NINJ2: variants seen among roughly 807,000 people sequenced by gnomAD.
NINJ2 encodes ninjurin 2, also known as ninjurin-2.
A neutral mutation model predicts 11.7 loss-of-function variants in NINJ2; 12 were observed. That is an observed-to-expected ratio of 1.02 (90% CI 0.66 to 1.66). The LOEUF (loss-of-function observed/expected upper bound fraction) is 1.66. Ranked by LOEUF, NINJ2 falls within the 40% of genes most tolerant of loss-of-function variation. The pLI is 0.00. For synonymous variants in NINJ2, 93 were observed against 76.8 expected (o/e 1.21, Z -1.10); for missense variants, 187 against 181.8 (o/e 1.03, Z -0.16).
At chr12:619,743 C>T (rs1396683353) in intron 1 of NINJ2, among the ~76,000 whole-genome samples, 1 of 152,094 alleles carries the variant, frequency 6.6e-6, no homozygotes, top group African/African-American at 2.4e-5. Flanking sequence ...CTGAAGAAGC[C>T]CCAAGTATCC....
At chr12:660,849 T>C (rs1937948286) in intron 1 of NINJ2, among the ~76,000 whole-genome samples, 1 of 152,110 alleles carries the variant, frequency 6.6e-6, no homozygotes, top group South Asian at 2.1e-4. Flanking sequence ...TAATCCCAGC[T>C]ACTTGGGAAG....
At chr12:565,438 C>T (rs746238011) in intron 2 of NINJ2, 37 bp from the exon 3 acceptor site, 102 of 1,603,254 alleles carry the variant, frequency 6.4e-5, no homozygotes, top group South Asian at 5.2e-4. Flanking sequence ...GGGTCAGAGA[C>T]GGGGCCACAG....
At chr12:631,333 C>T (rs752820257) in intron 1 of NINJ2, among the ~76,000 whole-genome samples, 1 of 152,134 alleles carries the variant, frequency 6.6e-6, no homozygotes, top group Non-Finnish European at 1.5e-5. Flanking sequence ...CACCTGAGAG[C>T]TGCCTCTACC....
intron 1 of NINJ2, among the ~76,000 whole-genome samples, chr12:646,443 T>C (rs1243379654): frequency 6.6e-6 from 1 of 152,186 alleles, no homozygotes; most frequent in Non-Finnish European, 1.5e-5. Flanking sequence ...GGTTAGGTCA[T>C]GGGCTTTGCA....
intron 1 of NINJ2, among the ~76,000 whole-genome samples, chr12:597,402 A>G (rs144692353): frequency 2.1e-4 from 32 of 152,380 alleles, no homozygotes; most frequent in Non-Finnish European, 4.1e-4. Context: ...GTTTTCTTAC[A>G]GATGGGCTTT....
chr12:623,610 T>C (rs1251437044), intron 1 of NINJ2, among the ~76,000 whole-genome samples: 2 of 152,160 alleles, frequency 1.3e-5, no homozygotes, highest in Non-Finnish European at 2.9e-5. Context: ...CTGGGATGAG[T>C]GAGAGGCGAC....
chr12:645,810 TCATA>T (rs1937667814), intron 1 of NINJ2: 1 of 152,250 alleles, frequency 6.6e-6, no homozygotes, highest in Non-Finnish European at 1.5e-5. Flanking sequence ...CCAGCCTCCC[TCATA>T]CCTTGCCCCC....
Position 580,598 on chromosome 12 carries a change from AAT to A in NINJ2, c.34-14422_34-14421del, listed in dbSNP as rs200833054. ...AGAGACCCTGTCTCAAAAAAAAAAA[AAT>A]ATATATATATATATATCCATTTGTC... On this transcript the variant is annotated intron_variant, in intron 1 of 3. Transcript: ENST00000305108. The surrounding 1 kb of genome is among the most constrained non-coding windows in gnomAD (Gnocchi z 4.7). Among the ~76,000 whole-genome samples the A allele has an allele frequency of 0.026, 1,589 of 60,460 alleles. 16 individuals are homozygous for A. Among genetic ancestry groups the A allele is most frequent in the Middle Eastern group, 0.071 (5 of 70 alleles). 39.7% of individuals were successfully genotyped at this position (60,460 alleles called of 152,430 possible). A position where few individuals can be genotyped will look rare whatever the true frequency, so the allele number is the denominator to read the frequency against.
chr12:581,238 C>T lies in NINJ2; in HGVS notation c.34-15060G>A, dbSNP rs892144488. On this transcript the variant is annotated intron_variant, in intron 1 of 3. Coordinates refer to ENST00000305108, the MANE Select transcript of NINJ2 (RefSeq NM_016533.6). This position sits in a 1 kb window ranked among gnomAD's most constrained non-coding sequence, Gnocchi z 4.9. ...CTATTGTCCCTGAGCTCAGCAGTAT[C>T]CTGGGTCCTGGCCATAGACCTGTAG... Among the ~76,000 whole-genome samples, 2 of 152,010 alleles carry T rather than the reference C, an allele frequency of 1.3e-5. No individual in the cohort carries two copies. The highest frequency in any genetic ancestry group is 4.8e-5 in the African/African-American group (2 of 41,358).
In NINJ2 at chr12:637,594, T is replaced by C. The variant is rs918232489; in HGVS notation, c.33+25734A>G. Among the ~76,000 whole-genome samples, 12 of 151,072 alleles carry C rather than the reference T, an allele frequency of 7.9e-5. 1 individual carries two copies. The highest frequency in any genetic ancestry group is 6.6e-4 in the Admixed American group (10 of 15,176). On this transcript the variant is annotated intron_variant, in intron 1 of 3. Transcript: ENST00000305108. ...AGGCAGAGGTTGCAGTGAGCCAAGA[T>C]TGTACCACTGCACTCCAGCCTAGGC...
intron 1 of NINJ2, 71 bp downstream of exon 1, chr12:663,257 T>C (rs1199171997): frequency 7.2e-7 from 1 of 1,395,144 alleles, no homozygotes; most frequent in African/African-American, 1.4e-5. Context: ...GACTAAAGTA[T>C]CAATCCTCTG....
intron 1 of NINJ2, chr12:642,956 G>T (rs1948440633): frequency 6.7e-6 from 1 of 148,800 alleles, no homozygotes; most frequent in African/African-American, 2.5e-5. Context: ...GCCCCACGCC[G>T]CGCCCGCCGG....
intron 1 of NINJ2, among the ~76,000 whole-genome samples, chr12:567,168 G>A (rs904126426): frequency 3.9e-5 from 6 of 152,178 alleles, no homozygotes; most frequent in African/African-American, 1.4e-4. Context: ...AGGATGCTAC[G>A]GCCTGGAGGT....
intron 1 of NINJ2, among the ~76,000 whole-genome samples, chr12:654,521 CAAAAAAA>C (rs72488352): frequency 9.1e-5 from 9 of 98,608 alleles, no homozygotes; most frequent in Admixed American, 5.3e-4. Flanking sequence ...AACTCCGTCT[CAAAAAAA>C]AAAAAAAAAA....
chr12:642,798 C>T (rs111932820), intron 1 of NINJ2: 61,354 of 151,642 alleles, frequency 0.4, 13,188 homozygotes, highest in African/African-American at 0.57. Context: ...GTGACAGGGC[C>T]CAAAGCCGGG....
At chr12:660,260 C>A (rs1243937812) in intron 1 of NINJ2, among the ~76,000 whole-genome samples, 1 of 144,440 alleles carries the variant, frequency 6.9e-6, no homozygotes, top group African/African-American at 2.6e-5. Flanking sequence ...TGCACTCCTG[C>A]CTGTGTGACA....
At chr12:565,480 T>A in intron 2 of NINJ2, 79 bp from the exon 3 acceptor site, 5 of 1,445,950 alleles carry the variant, frequency 3.5e-6, no homozygotes, top group Non-Finnish European at 4.7e-6. Flanking sequence ...CCCACCAGAG[T>A]TTGGAGAGAG....
chr12:616,429 G>A (rs1948092121), intron 1 of NINJ2, among the ~76,000 whole-genome samples: 1 of 152,162 alleles, frequency 6.6e-6, no homozygotes, highest in African/African-American at 2.4e-5. Context: ...CCAGGGGTTT[G>A]GTCTTGGGAG....
intron 1 of NINJ2, among the ~76,000 whole-genome samples, chr12:661,198 C>A (rs745970281): frequency 1.3e-5 from 2 of 152,178 alleles, no homozygotes; most frequent in African/African-American, 2.4e-5. Context: ...CCCACCTCAG[C>A]CTCCCGAGTA....
Sources: allele counts gnomAD v4.1 joint callset (sites outside exome capture counted in the v4.1 genomes callset), GRCh38; gene constraint gnomAD v4.1.1; non-coding constraint Gnocchi (gnomAD v3.1); transcripts MANE v1.5; gene names NCBI Gene and HGNC (gene_info 2026-07-23, HGNC 2026-07-21).